CALN1: variants seen among roughly 807,000 people sequenced by gnomAD.
CALN1 encodes calneuron 1.
CALN1 carries 17 observed loss-of-function variants against 30.6 expected under a neutral mutation model. The ratio of observed to expected loss-of-function variants is 0.56; its 90% CI spans 0.38 to 0.83. The LOEUF is 0.83. Ranked by LOEUF, CALN1 falls within the 40% of genes least tolerant of loss-of-function variation. The probability of loss-of-function intolerance (pLI) is 0.00; values close to 1 mark genes in which losing one functional copy is unlikely to be tolerated. For missense variants in CALN1, 291 were observed against 354.9 expected (o/e 0.82, Z 1.45); for synonymous variants, 156 against 131.4 (o/e 1.19, Z -1.28).
intron 5 of CALN1, among the ~76,000 whole-genome samples, chr7:71,826,032 CAAAAAAAA>C (rs57512202): frequency 3.0e-4 from 13 of 43,864 alleles, no homozygotes; most frequent in African/African-American, 1.0e-3. Flanking sequence ...GACTCTGTCT[CAAAAAAAA>C]AAAAAAAAAA....
intron 5 of CALN1, among the ~76,000 whole-genome samples, chr7:71,936,458 T>C (rs1238869707): frequency 1.3e-5 from 2 of 150,574 alleles, no homozygotes; most frequent in East Asian, 3.9e-4. Context: ...TCTGGCACTG[T>C]ACACCAAGCT....
At chr7:71,847,491 A>ACAAAAC (rs982162419) in intron 5 of CALN1, among the ~76,000 whole-genome samples, 22 of 151,716 alleles carry the variant, frequency 1.5e-4, no homozygotes, top group African/African-American at 3.6e-4. Context: ...CTCTACTAAA[A>ACAAAAC]CAAAACCAAA....
intron 4 of CALN1, among the ~76,000 whole-genome samples, chr7:72,105,034 G>GA (rs112842604): frequency 1.7e-3 from 239 of 144,006 alleles, no homozygotes; most frequent in Middle Eastern, 7.1e-3. Flanking sequence ...GACCTGTCAT[G>GA]AAAAAAAAAA....
intron 2 of CALN1, among the ~76,000 whole-genome samples, chr7:72,351,900 A>G (rs1202339057): frequency 6.6e-6 from 1 of 152,372 alleles, no homozygotes; most frequent in Non-Finnish European, 1.5e-5. Context: ...ATAGAGCACT[A>G]TATTAACATA....
chr7:71,917,827 G>T (rs936731716), intron 5 of CALN1, among the ~76,000 whole-genome samples: 2 of 152,096 alleles, frequency 1.3e-5, no homozygotes, highest in African/African-American at 2.4e-5. Flanking sequence ...GAGCCAAACC[G>T]TTACAATTGT....
intron 4 of CALN1, among the ~76,000 whole-genome samples, chr7:72,084,388 T>A (rs866502706): frequency 2.8e-3 from 121 of 43,746 alleles, no homozygotes; most frequent in East Asian, 0.077. Flanking sequence ...GTAGTAAAAT[T>A]TTTTTTTTTT....
At chr7:72,139,140 G>A (rs1190873046) in intron 3 of CALN1, among the ~76,000 whole-genome samples, 1 of 152,118 alleles carries the variant, frequency 6.6e-6, no homozygotes, top group Non-Finnish European at 1.5e-5. Flanking sequence ...TATTCAACAA[G>A]CAGGTTGCTA....
chr7:71,916,570 C>T (rs1335774776), intron 5 of CALN1, among the ~76,000 whole-genome samples: 1 of 152,060 alleles, frequency 6.6e-6, no homozygotes, highest in Non-Finnish European at 1.5e-5. Context: ...AATGCAGGAA[C>T]AGAAAACCAA....
At chr7:72,322,905 A>G (rs2129557393) in intron 2 of CALN1, among the ~76,000 whole-genome samples, 1 of 151,988 alleles carries the variant, frequency 6.6e-6, no homozygotes, top group Non-Finnish European at 1.5e-5. Context: ...GTATCAAAAT[A>G]TCTCATGTAC....
intron 3 of CALN1, among the ~76,000 whole-genome samples, chr7:72,128,242 G>A (rs1186063229): frequency 6.6e-6 from 1 of 152,108 alleles, no homozygotes; most frequent in Non-Finnish European, 1.5e-5. Flanking sequence ...ATAATATGAA[G>A]CCATTTAGCT....
intron 1 of CALN1, among the ~76,000 whole-genome samples, chr7:72,446,718 G>A (rs13230359): frequency 0.17 from 25,500 of 152,054 alleles, 2,336 homozygotes; most frequent in Non-Finnish European, 0.19. Flanking sequence ...GGACCCGGCC[G>A]GGAGGAAATG....
At chr7:72,083,061 T>G (rs1193527686) in intron 4 of CALN1, among the ~76,000 whole-genome samples, 1 of 151,816 alleles carries the variant, frequency 6.6e-6, no homozygotes, top group Non-Finnish European at 1.5e-5. Context: ...ATTAGCCAGG[T>G]GTGGTGGCGG....
At chr7:72,108,153 G>T (rs1807310156) in intron 3 of CALN1, among the ~76,000 whole-genome samples, 1 of 152,204 alleles carries the variant, frequency 6.6e-6, no homozygotes, top group African/African-American at 2.4e-5. Context: ...GCCAGAGGCT[G>T]CCAGCATTCC....
At chr7:72,024,025 T>C (rs1032489740) in intron 4 of CALN1, among the ~76,000 whole-genome samples, 5 of 152,206 alleles carry the variant, frequency 3.3e-5, no homozygotes, top group Admixed American at 6.5e-5. Context: ...CAACCATCAC[T>C]TCCCACTTAA....
intron 5 of CALN1, among the ~76,000 whole-genome samples, chr7:71,987,713 G>C (rs925892863): frequency 1.3e-5 from 2 of 152,210 alleles, no homozygotes; most frequent in African/African-American, 4.8e-5. Context: ...GAGCAGAGGC[G>C]TGACCTTGAA....
chr7:72,441,488 C>T (rs917874686), intron 1 of CALN1, among the ~76,000 whole-genome samples: 3 of 151,066 alleles, frequency 2.0e-5, no homozygotes, highest in African/African-American at 7.3e-5. Flanking sequence ...ATCCCAGCTA[C>T]TTGGGAGGCT....
intron 3 of CALN1, among the ~76,000 whole-genome samples, chr7:72,267,151 C>A (rs2129553199): frequency 6.6e-6 from 1 of 152,294 alleles, no homozygotes; most frequent in South Asian, 2.1e-4. Context: ...TCTTAGAAAG[C>A]CTGTAGAGAG....
At chr7:71,788,906 C>T (rs1793149958) in intron 6 of CALN1, among the ~76,000 whole-genome samples, 1 of 151,966 alleles carries the variant, frequency 6.6e-6, no homozygotes, top group African/African-American at 2.4e-5. Context: ...GATCTACCCG[C>T]CTTGGCCTCC....
chr7:72,027,726 AACACAC>A lies in CALN1; in HGVS notation c.389-3963_389-3958del, dbSNP rs111705413. ...GACCCTGTCTCAAAACAAACAAACA[AACACAC>A]ACACACACACACACACACACACACA... On this transcript the variant is annotated intron_variant, in intron 4 of 6. Transcript: ENST00000395275. Among the ~76,000 whole-genome samples the A allele has an allele frequency of 4.6e-3, 656 of 143,304 alleles. 3 individuals carry two copies. The highest frequency in any genetic ancestry group is 9.4e-3 in the African/African-American group (370 of 39,274). The allele number at this position is 143,304 out of a possible 152,430, so 94.0% of individuals were successfully genotyped here. A position where few individuals can be genotyped will look rare whatever the true frequency, so the allele number is the denominator to read the frequency against.
Sources: gnomAD v4.1 joint callset for allele counts (sites outside exome capture counted in the v4.1 genomes callset) on GRCh38, gnomAD v4.1.1 for gene constraint, MANE v1.5 for transcripts, NCBI Gene and HGNC (gene_info 2026-07-23, HGNC 2026-07-21) for gene names.